CCNK: variants seen among roughly 807,000 people sequenced by gnomAD.
CCNK encodes the protein cyclin K.
A neutral mutation model predicts 65.0 loss-of-function variants in CCNK; 9 were observed. The observed-to-expected ratio is 0.14, with a 90% CI of 0.08 to 0.24. The LOEUF is 0.24. Among genes scored for constraint, CCNK ranks in the 10% least tolerant of loss-of-function variants. The pLI, the probability that CCNK is intolerant of heterozygous loss-of-function variation, is 1.00. For missense variants in CCNK, 474 were observed against 720.0 expected (o/e 0.66, Z 3.91); for synonymous variants, 279 against 270.8 (o/e 1.03, Z -0.30).
intron 2 of CCNK, 46 bp downstream of exon 2, chr14:99,492,920 C>T (rs1327076800): frequency 7.0e-7 from 1 of 1,436,672 alleles, no homozygotes. Flanking sequence ...GCTCCCCACT[C>T]ACCACCAAGA....
chr14:99,493,739 C>G, intron 3 of CCNK, 144 bp downstream of exon 3: 1 of 504,922 alleles, frequency 2.0e-6, no homozygotes, highest in Non-Finnish European at 3.4e-6. Context: ...TAAACAAAAT[C>G]AAGTTTGAAC....
rs148603851 is a variant in CCNK at position 99,500,917 on chromosome 14, T to A, written c.517+46T>A. 4.2e-6 allele frequency: 5 copies of A among 1,185,960 alleles called. No homozygotes were observed. In the Admixed American group the frequency reaches 1.2e-4, roughly 29 times the overall value. 73.5% of individuals were successfully genotyped at this position (1,185,960 alleles called of 1,614,324 possible). A position where few individuals can be genotyped will look rare whatever the true frequency, so the allele number is the denominator to read the frequency against. On this transcript the variant is annotated intron_variant, in intron 5 of 10. Transcript: ENST00000389879. ...AGAATTTTTTCATTCTGAAATCAAG[T>A]CTTTATAATTTGATGACACTCAAAT...
At position 99,510,210 on chromosome 14, in the gene CCNK, G is replaced by A. The variant is rs1897087185; in HGVS notation, c.1171G>A (p.Val391Met). ...AGGTGAGGCTGAGCCGCCGGGCCCT[G>A]TGGATGCCACTGACCTCCCCAAAGT... ...ALGEAEPPGP[V>M]DATDLPKVQI... Residue 391 changes from valine (V) to methionine (M), a missense_variant, in exon 11 of 11, where the codon GTG (valine) becomes ATG (methionine). Physicochemically the swap from Val to Met is conservative, Grantham distance 21 (BLOSUM62 1). Around this residue, in one of 6 missense-constraint regions of CCNK, gnomAD observed 229 missense variants for 275.5 expected, o/e 0.83. Coordinates refer to ENST00000389879, the MANE Select transcript of CCNK (RefSeq NM_001099402.2). 1.9e-6 allele frequency: 3 copies of A among 1,597,580 alleles called. No homozygotes were observed. Among genetic ancestry groups the A allele is most frequent in the African/African-American group, 2.7e-5 (2 of 74,628 alleles).
At position 99,500,860 on chromosome 14, in the gene CCNK, A is replaced by G. The variant is rs1896805905; in HGVS notation, c.506A>G (p.Lys169Arg). ...TACCAGTTCCTACTAAAATATGCAA[A>G]GCAACTCAAAGGTAAGAAGAAAGTT... ...HPYQFLLKYA[K>R]QLKGDKNKIQ... is the part of the protein sequence containing the mutation. Residue 169 changes from lysine (K) to arginine (R), a missense_variant, in exon 5 of 11, where the codon AAG becomes AGG. This residue lies in a region of CCNK where 67 missense variants were observed against 150.2 expected (regional missense o/e 0.45). Transcript: ENST00000389879. The G allele has an allele frequency of 6.5e-7, 1 of 1,534,116 alleles. No individual in the cohort carries two copies. Among genetic ancestry groups the G allele is most frequent in the Non-Finnish European group, 8.8e-7 (1 of 1,134,540 alleles).
chr14:99,486,722 A>G (rs1012372034), intron 1 of CCNK, among the ~76,000 whole-genome samples: 3 of 152,198 alleles, frequency 2.0e-5, no homozygotes, highest in Non-Finnish European at 2.9e-5. Context: ...CTCATGGCCA[A>G]TTATGACACA....
rs368281118 is a variant in CCNK, at chr14:99,503,708, G to A, written c.1045+64G>A. On this transcript the variant is annotated intron_variant, in intron 9 of 10. Transcript: ENST00000389879. ...TTATATGCAAAACTTTAAATTCTTA[G>A]CCAACATTGTTTCTTTTCAGATCTA... 10 of 1,375,496 alleles carry A rather than the reference G, an allele frequency of 7.3e-6. No individual in the cohort carries two copies. The South Asian group carries it at 1.1e-4, about 14-fold the overall frequency. 85.2% of individuals were successfully genotyped at this position (1,375,496 alleles called of 1,614,324 possible).
intron 9 of CCNK, chr14:99,506,594 A>G (rs1202901799): frequency 6.3e-6 from 1 of 158,806 alleles, no homozygotes; most frequent in Non-Finnish European, 1.4e-5. Context: ...CATGCTGCCA[A>G]CTGGAAGTCA....
rs1012531301 is a variant in CCNK, at chr14:99,493,684, A to G, written c.279+89A>G. 5.7e-6 allele frequency: 5 copies of G among 878,260 alleles called. No homozygotes were observed. In the African/African-American group the frequency reaches 6.7e-5, roughly 12 times the overall value. 54.4% of individuals were successfully genotyped at this position (878,260 alleles called of 1,614,324 possible). ...ACTAATTATAAGCTCTATTTTTCTC[A>G]TATTTTCCAGAAAGTATTTATTTTT... On this transcript the variant is annotated intron_variant, in intron 3 of 10. Coordinates refer to ENST00000389879, the MANE Select transcript of CCNK (RefSeq NM_001099402.2).
At chr14:99,500,739 G>A (rs1428045802) in intron 4 of CCNK, 27 bp from the exon 5 acceptor site, 48 of 1,380,520 alleles carry the variant, frequency 3.5e-5, no homozygotes, top group Non-Finnish European at 4.8e-5. Context: ...TGTAATTACT[G>A]TCCTAACATT....
In CCNK at chr14:99,511,149, G is replaced by C. The variant is rs534472378; in HGVS notation, c.*367G>C. On this transcript the variant is annotated 3_prime_UTR_variant, in exon 11 of 11. Transcript: ENST00000389879. ...CTAGAAATCAGTGCCTATTTTTCCT[G>C]GAAACTCAATTTTAAATAGTCCAAT... The C allele has an allele frequency of 7.2e-5, 12 of 166,994 alleles. No individual in the cohort carries two copies. The East Asian group carries it at 1.9e-3, about 27-fold the overall frequency. 10.3% of individuals were successfully genotyped at this position (166,994 alleles called of 1,614,324 possible).
chr14:99,498,815 G>T (rs1322241784), intron 4 of CCNK, among the ~76,000 whole-genome samples: 1 of 152,118 alleles, frequency 6.6e-6, no homozygotes, highest in Non-Finnish European at 1.5e-5. Context: ...CTGAGGGAAG[G>T]CGTTCCTGAG....
chr14:99,511,796 T>C lies in CCNK; in HGVS notation c.*1014T>C, dbSNP rs1427795913. ...TTTGAAACTTTGAAGCCTTGCTGCG[T>C]AGAACGCACACAGGAACCCGGGGGC... On this transcript the variant is annotated 3_prime_UTR_variant, in exon 11 of 11. Transcript: ENST00000389879. The C allele has an allele frequency of 6.6e-6, 1 of 152,596 alleles. No individual in the cohort carries two copies. Among genetic ancestry groups the C allele is most frequent in the African/African-American group, 2.4e-5 (1 of 41,466 alleles). 9.5% of individuals were successfully genotyped at this position (152,596 alleles called of 1,614,324 possible).
chr14:99,490,800 C>G (rs1221816750), intron 1 of CCNK, among the ~76,000 whole-genome samples: 3 of 151,816 alleles, frequency 2.0e-5, no homozygotes, highest in African/African-American at 7.3e-5. Context: ...TGGTGGCGGG[C>G]GCCTGTAGTC....
At chr14:99,510,100 C>T in intron 10 of CCNK, 57 bp from the exon 11 acceptor site, 2 of 1,528,104 alleles carry the variant, frequency 1.3e-6, no homozygotes, top group Non-Finnish European at 1.8e-6. Flanking sequence ...CCAGGAGGCA[C>T]TGAAAAAGCA....
intron 1 of CCNK, among the ~76,000 whole-genome samples, chr14:99,482,885 CAG>C (rs1296269682): frequency 4.6e-5 from 7 of 152,068 alleles, no homozygotes; most frequent in Non-Finnish European, 8.8e-5. Flanking sequence ...AAAGGGAGGA[CAG>C]TGTTTTCTGC....
At chr14:99,490,505 G>A (rs998968406) in intron 1 of CCNK, among the ~76,000 whole-genome samples, 1 of 152,098 alleles carries the variant, frequency 6.6e-6, no homozygotes, top group African/African-American at 2.4e-5. Context: ...TAAAATAAAA[G>A]CTTTCATAAA....
intron 3 of CCNK, chr14:99,495,237 T>G (rs1896676172): frequency 4.5e-6 from 1 of 221,966 alleles, no homozygotes; most frequent in Non-Finnish European, 8.8e-6. Context: ...ATGTGACTCT[T>G]TTCCTTTTTG....
chr14:99,494,771 T>A (rs1896665368), intron 3 of CCNK: 1 of 152,234 alleles, frequency 6.6e-6, no homozygotes, highest in Non-Finnish European at 1.5e-5. Context: ...CAACAGAAAC[T>A]TAACTCTTCA....
chr14:99,501,607 C>T (rs1896826798), intron 6 of CCNK, 194 bp downstream of exon 6: 3 of 568,830 alleles, frequency 5.3e-6, no homozygotes, highest in East Asian at 5.8e-5. Context: ...TCTGCCCTGC[C>T]GTGTCATGGT....
Sources: gnomAD v4.1 joint callset for allele counts (sites outside exome capture counted in the v4.1 genomes callset) on GRCh38, gnomAD v4.1.1 for gene constraint, gnomAD v4.1.1 regional missense constraint, MANE v1.5 for transcripts, NCBI Gene and HGNC (gene_info 2026-07-23, HGNC 2026-07-21) for gene names.